The following AKAP9 variants were observed in gnomAD, a reference collection of about 807,000 sequenced individuals.
AKAP9 encodes the protein A-kinase anchor protein 9.
Under a neutral mutation model 488.5 loss-of-function variants are expected in AKAP9, and 311 were observed. That is an observed-to-expected ratio of 0.64 (90% CI 0.58 to 0.70). The LOEUF is 0.70. Among genes scored for constraint, AKAP9 ranks in the 30% least tolerant of loss-of-function variants. AKAP9 has a pLI of 0.00. For synonymous variants in AKAP9, 1,462 were observed against 1,483.5 expected (o/e 0.99, Z 0.33); for missense variants, 4,215 against 4,374.5 (o/e 0.96, Z 1.03).
At chr7:92,105,860 A>T (rs939799503) in intron 47 of AKAP9, 97 bp downstream of exon 47, 22 of 1,114,886 alleles carry the variant, frequency 2.0e-5, no homozygotes, top group Non-Finnish European at 3.0e-5. Context: ...GTGGCCTGTT[A>T]GGAACCAGGC....
In AKAP9 at chr7:92,079,329, A is replaced by G; in HGVS notation, c.7196A>G (p.Glu2399Gly). Residue 2399 changes from glutamate (E) to glycine (G), a missense_variant, in exon 31 of 50, where the codon GAA (glutamate) becomes GGA (glycine). This residue lies in a region of AKAP9 where 1,476 missense variants were observed against 1,477.4 expected (regional missense o/e 1.00). Coordinates refer to ENST00000356239, the MANE Select transcript of AKAP9 (RefSeq NM_005751.5). ...GTTATAGCTGAAAAGCTGGCCTTGG[A>G]ACAGCAAGTAGAAACCGCTAATGAA... is the stretch of plus-strand genomic sequence containing the variant. ...DVVIAEKLAL[E>G]QQVETANEEM... 1 of 1,614,082 alleles carries G rather than the reference A, an allele frequency of 6.2e-7. No individual in the cohort carries two copies. Among genetic ancestry groups the G allele is most frequent in the Non-Finnish European group, 8.5e-7 (1 of 1,180,004 alleles).
rs59385384 is a variant in AKAP9 at position 92,087,030 on chromosome 7, G to T, written c.9213+614G>T. Among the ~76,000 whole-genome samples the T allele has an allele frequency of 9.3e-3, 1,415 of 152,132 alleles. 61 individuals carry two copies. The highest frequency in any genetic ancestry group is 0.085 in the East Asian group (441 of 5,190). On this transcript the variant is annotated intron_variant, in intron 37 of 49. Coordinates refer to ENST00000356239, the MANE Select transcript of AKAP9 (RefSeq NM_005751.5). ...CTAAACAGTGAAATCACAAATAAAAGGCACAAAAATTTGAAAAGTCACTAA... is the reference window on the plus strand; with the variant it reads ...CTAAACAGTGAAATCACAAATAAAATGCACAAAAATTTGAAAAGTCACTAA...
chr7:92,105,690 G>T lies in AKAP9; in HGVS notation c.11343G>T (p.Leu3781Phe), dbSNP rs1251360684. Residue 3781 changes from leucine to phenylalanine, a missense_variant, in exon 47 of 50, where the codon TTG becomes TTT. By Grantham distance (22) the Leu-to-Phe change is conservative. This residue lies in a region of AKAP9 where 253 missense variants were observed against 266.8 expected (regional missense o/e 0.95). Transcript: ENST00000356239. ...VSIAISRMKF[L>F]VRRWHRVTGS... The stretch of plus-strand genomic sequence containing the variant: ...GAATCTTTTTTAGAATGAAATTTTT[G>T]GTTCGACGGTGGCATCGAGTCACAG... 1 of 1,613,698 alleles carries T rather than the reference G, an allele frequency of 6.2e-7. No homozygotes were observed. Among genetic ancestry groups the T allele is most frequent in the East Asian group, 2.2e-5 (1 of 44,898 alleles).
intron 38 of AKAP9, among the ~76,000 whole-genome samples, chr7:92,090,941 G>A (rs1039975606): frequency 1.3e-5 from 2 of 152,210 alleles, no homozygotes; most frequent in Non-Finnish European, 2.9e-5. Flanking sequence ...CCAACAGTTA[G>A]TATAGTCAGA....
chr7:91,966,268 A>G (rs751733854), intron 1 of AKAP9, among the ~76,000 whole-genome samples: 1 of 151,964 alleles, frequency 6.6e-6, no homozygotes, highest in Non-Finnish European at 1.5e-5. Flanking sequence ...ACAAAAAAAA[A>G]CTTTCCCCAG....
intron 8 of AKAP9, among the ~76,000 whole-genome samples, chr7:92,009,503 G>A (rs1278403281): frequency 1.3e-5 from 2 of 152,008 alleles, no homozygotes; most frequent in African/African-American, 4.8e-5. Flanking sequence ...CCTCCAACCA[G>A]AAATATTAGA....
At position 92,007,281 on chromosome 7, in the gene AKAP9, C is replaced by CTTT. The variant is rs35623219; in HGVS notation, c.3318+4073_3318+4075dup. ...AAAATTAAGCATGAGAACTGAAATT[C>CTTT]TTTTTTTTTTTTTTTTTTTTTTTTT... On this transcript the variant is annotated intron_variant, in intron 8 of 49. Transcript: ENST00000356239. Among the ~76,000 whole-genome samples the CTTT allele has an allele frequency of 1.4e-4, 12 of 84,118 alleles. 1 individual carries two copies. The highest frequency in any genetic ancestry group is 1.8e-4 in the African/African-American group (4 of 22,238). 55.2% of individuals were successfully genotyped at this position (84,118 alleles called of 152,430 possible).
At chr7:92,069,325 C>A (rs907463076) in intron 26 of AKAP9, among the ~76,000 whole-genome samples, 1 of 152,042 alleles carries the variant, frequency 6.6e-6, no homozygotes, top group Non-Finnish European at 1.5e-5. Flanking sequence ...ATGAAAAATC[C>A]ATTTTTTCCC....
At chr7:92,071,333 T>C (rs1811694283) in intron 28 of AKAP9, among the ~76,000 whole-genome samples, 1 of 144,246 alleles carries the variant, frequency 6.9e-6, no homozygotes, top group African/African-American at 2.6e-5. Context: ...AGGCAATATA[T>C]CCCTTTTCTC....
rs537102875 is a variant in AKAP9 at position 91,983,339 on chromosome 7, A to G, written c.351+3006A>G. On this transcript the variant is annotated intron_variant, in intron 3 of 49. Transcript: ENST00000356239. ...TCCTTGTGATAGTTTGCTCAGAATG[A>G]TGGTTTCCAGCTTCATCCATGTCCC... 2.8e-3 allele frequency among the ~76,000 whole-genome samples: 430 copies of G among 152,194 alleles called. 5 individuals are homozygous for G. Among genetic ancestry groups the G allele is most frequent in the Non-Finnish European group, 2.4e-3 (160 of 68,014 alleles).
At chr7:91,949,535 AT>A (rs1562882293) in intron 1 of AKAP9, among the ~76,000 whole-genome samples, 1 of 152,232 alleles carries the variant, frequency 6.6e-6, no homozygotes, top group Non-Finnish European at 1.5e-5. Context: ...AAGACCTGTC[AT>A]TTTAAACATG....
chr7:92,044,699 T>C (rs1168393695), intron 20 of AKAP9, among the ~76,000 whole-genome samples: 1 of 152,218 alleles, frequency 6.6e-6, no homozygotes, highest in Non-Finnish European at 1.5e-5. Flanking sequence ...AGATTTTCTC[T>C]TAACCTAGTT....
intron 8 of AKAP9, 104 bp from the exon 9 acceptor site, chr7:92,012,325 A>G (rs945513601): frequency 2.8e-6 from 3 of 1,053,460 alleles, no homozygotes; most frequent in Non-Finnish European, 4.1e-6. Flanking sequence ...TTCAGTTCTC[A>G]TGAATTTTTA....
chr7:92,076,783 A>G, intron 28 of AKAP9, 72 bp from the exon 29 acceptor site: 1 of 906,684 alleles, frequency 1.1e-6, no homozygotes. Context: ...AAGCTAATAT[A>G]GCACTCTTCA....
chr7:92,072,969 T>A (rs1811962019), intron 28 of AKAP9, among the ~76,000 whole-genome samples: 1 of 151,952 alleles, frequency 6.6e-6, no homozygotes, highest in African/African-American at 2.4e-5. Flanking sequence ...TGAAAAGGAG[T>A]TCCTCTCAGA....
Position 91,940,908 on chromosome 7 carries a change from G to A in AKAP9, c.-192G>A. The A allele has an allele frequency of 6.2e-6, 4 of 642,332 alleles. No homozygotes were observed. Among genetic ancestry groups the A allele is most frequent in the Middle Eastern group, 2.7e-4 (1 of 3,760 alleles). 39.8% of individuals were successfully genotyped at this position (642,332 alleles called of 1,614,324 possible). ...TGGCGGCGGCGGCGGCGGTGACGGCGCTTCCCGTGCGGCTGAGGACGATCC... is the reference window on the plus strand; with the variant it reads ...TGGCGGCGGCGGCGGCGGTGACGGCACTTCCCGTGCGGCTGAGGACGATCC... On this transcript the variant is annotated 5_prime_UTR_variant, in exon 1 of 50. Transcript: ENST00000356239.
rs761210281 is a variant in AKAP9 at position 92,001,140 on chromosome 7, A to T, written c.1223A>T (p.Asn408Ile). Residue 408 changes from asparagine to isoleucine, a missense_variant, in exon 8 of 50, where the codon AAT becomes ATT. Transcript: ENST00000356239. The part of the protein sequence containing the change: ...MGTVEELQKR[N>I]HKDSQFETDI... ...ACAGTCGAAGAACTTCAGAAGAGAAATCATAAAGACAGCCAGTTCGAAACT... is the reference window on the plus strand; with the variant it reads ...ACAGTCGAAGAACTTCAGAAGAGAATTCATAAAGACAGCCAGTTCGAAACT... The T allele has an allele frequency of 6.2e-7, 1 of 1,614,094 alleles. No homozygotes were observed. The highest frequency in any genetic ancestry group is 1.7e-5 in the Admixed American group (1 of 60,012).
chr7:91,990,487 T>C (rs552265796), intron 3 of AKAP9, among the ~76,000 whole-genome samples: 51 of 152,238 alleles, frequency 3.4e-4, no homozygotes, highest in African/African-American at 1.1e-3. Flanking sequence ...TTTATTAATA[T>C]TGATAAGTTT....
Position 92,001,831 on chromosome 7 carries a change from C to G in AKAP9, c.1914C>G (p.Ser638=). The change falls in exon 8 of 50, where the codon TCC becomes TCG. Residue 638 remains serine (S), a synonymous_variant. Coordinates refer to ENST00000356239, the MANE Select transcript of AKAP9 (RefSeq NM_005751.5). ...TATTTAGTCACGAAGAAGAGCTTTC[C>G]AAACTGAAGGAAGATTTAGAAATTG... is the stretch of plus-strand genomic sequence containing the variant. The part of the protein sequence containing the change: ...QLLFSHEEEL[S]KLKEDLEIEH... 6.2e-7 allele frequency: 1 copy of G among 1,613,262 alleles called. No homozygotes were observed. Among genetic ancestry groups the G allele is most frequent in the South Asian group, 1.1e-5 (1 of 91,020 alleles).
Sources: allele counts gnomAD v4.1 joint callset (sites outside exome capture counted in the v4.1 genomes callset), GRCh38; gene constraint gnomAD v4.1.1; regional missense constraint gnomAD v4.1.1; transcripts MANE v1.5; gene names NCBI Gene and HGNC (gene_info 2026-07-23, HGNC 2026-07-21).